KCNH5: variants seen among roughly 807,000 people sequenced by gnomAD.
KCNH5 encodes the protein voltage-gated delayed rectifier potassium channel KCNH5.
Under a neutral mutation model 96.1 loss-of-function variants are expected in KCNH5, and 46 were observed. That is an observed-to-expected ratio of 0.48 (90% CI 0.38 to 0.61). KCNH5 has a LOEUF of 0.61. Among genes scored for constraint, KCNH5 ranks in the 20% least tolerant of loss-of-function variants. KCNH5 has a pLI of 0.00. For synonymous variants in KCNH5, 439 were observed against 449.8 expected, an observed-to-expected ratio of 0.98 and a Z score of 0.30; for missense variants, 907 against 1,225.8, an observed-to-expected ratio of 0.74 and a Z score of 3.88.
chr14:62,884,946 A>G (rs1026475379), intron 7 of KCNH5, among the ~76,000 whole-genome samples: 9 of 152,222 alleles, frequency 5.9e-5, no homozygotes, highest in African/African-American at 2.2e-4. Flanking sequence ...AAAGCACATA[A>G]TCAATTTATG....
intron 9 of KCNH5, among the ~76,000 whole-genome samples, chr14:62,801,726 C>T (rs2139999363): frequency 6.6e-6 from 1 of 152,094 alleles, no homozygotes; most frequent in South Asian, 2.1e-4. Flanking sequence ...GAGGACAGAA[C>T]CAGCTTTATA....
intron 7 of KCNH5, among the ~76,000 whole-genome samples, chr14:62,898,630 A>C (rs1888863091): frequency 6.6e-6 from 1 of 152,180 alleles, no homozygotes; most frequent in South Asian, 2.1e-4. Flanking sequence ...AAAGAGTATA[A>C]GAACATTGGA....
chr14:62,725,316 G>A (rs192267947), intron 10 of KCNH5, among the ~76,000 whole-genome samples: 3 of 152,254 alleles, frequency 2.0e-5, no homozygotes, highest in African/African-American at 7.2e-5. Flanking sequence ...CTTATCTTTA[G>A]TTGTGTTACT....
rs61033705 is a variant in KCNH5, at chr14:62,910,941, A to ACACACACACACACAC, written c.1369+39191_1369+39192insGTGTGTGTGTGTGTG. 7.5e-4 allele frequency among the ~76,000 whole-genome samples: 106 copies of ACACACACACACACAC among 140,880 alleles called. 1 individual carries two copies. Among genetic ancestry groups the ACACACACACACACAC allele is most frequent in the African/African-American group, 2.6e-3 (98 of 37,722 alleles). The allele number at this position is 140,880 out of a possible 152,430, so 92.4% of individuals were successfully genotyped here. On this transcript the variant is annotated intron_variant, in intron 7 of 10. Transcript: ENST00000322893. ...CACACACACACACACACACACACACACCCCTCTGTTGTTCTGTCATCCTAT... is the reference window on the plus strand; with the variant it reads ...CACACACACACACACACACACACACACACACACACACACACCCCCTCTGTTGTTCTGTCATCCTAT...
In KCNH5 at chr14:62,700,316, A is replaced by G. The variant is rs1385666894; in HGVS notation, c.*7192T>C. The G allele has an allele frequency of 2.6e-5, 4 of 152,170 alleles. No homozygotes were observed. Among genetic ancestry groups the G allele is most frequent in the Non-Finnish European group, 5.9e-5 (4 of 68,026 alleles). The allele number at this position is 152,170 out of a possible 1,614,324, so 9.4% of individuals were successfully genotyped here. A position where few individuals can be genotyped will look rare whatever the true frequency, so the allele number is the denominator to read the frequency against. On this transcript the variant is annotated 3_prime_UTR_variant, in exon 11 of 11. Coordinates refer to ENST00000322893, the MANE Select transcript of KCNH5 (RefSeq NM_139318.5). The stretch of plus-strand genomic sequence containing the variant: ...TCTAAACTGGTTTCCACTTTTCATA[A>G]CAATCACTTAAGAAATCTGTTCCTA...
chr14:62,840,557 CTTTTTTT>C (rs1165731381), intron 8 of KCNH5, among the ~76,000 whole-genome samples: 9 of 108,736 alleles, frequency 8.3e-5, no homozygotes, highest in Non-Finnish European at 1.5e-4. Context: ...TTTCTTTTTT[CTTTTTTT>C]TCTTTTTTTT....
intron 9 of KCNH5, 53 bp from the exon 10 acceptor site, chr14:62,779,977 A>G: frequency 6.9e-7 from 1 of 1,443,888 alleles, no homozygotes; most frequent in South Asian, 1.3e-5. Context: ...TTCTTATTTA[A>G]TCACTCTTGT....
intron 7 of KCNH5, among the ~76,000 whole-genome samples, chr14:62,909,836 C>A (rs1332624781): frequency 1.3e-5 from 2 of 152,264 alleles, no homozygotes; most frequent in South Asian, 4.2e-4. Context: ...ACAAACCCCC[C>A]AAACACACTC....
intron 1 of KCNH5, among the ~76,000 whole-genome samples, chr14:63,030,888 T>C (rs979733862): frequency 3.3e-5 from 5 of 152,182 alleles, no homozygotes; most frequent in African/African-American, 1.2e-4. Context: ...CAGCCAAGTC[T>C]GGCACACTTT....
rs1595586933 is a variant in KCNH5 at position 62,707,325 on chromosome 14, A to G, written c.*183T>C. On this transcript the variant is annotated 3_prime_UTR_variant, in exon 11 of 11. Transcript: ENST00000322893. ...ACTGCATAATATACAAGCAATATCT[A>G]TGTTTTTAATCATCATCTTCTTTGG... 1 of 347,308 alleles carries G rather than the reference A, an allele frequency of 2.9e-6. No homozygotes were observed. The allele number at this position is 347,308 out of a possible 1,614,324, so 21.5% of individuals were successfully genotyped here.
In KCNH5 at chr14:62,950,479, G is replaced by A. The variant is rs1006397202; in HGVS notation, c.1023C>T (p.Tyr341=). The part of the protein sequence containing the change: ...LGRVARKLDH[Y]LEYGAAVLVL... ...CGAGGACTGCTGCTCCATATTCTAG[G>A]TAATGGTCCAGTTTCCTAGCCACAC... The change falls in exon 7 of 11, where the codon TAC becomes TAT. Residue 341 remains tyrosine (Y), a synonymous_variant. Transcript: ENST00000322893. 11 of 1,612,442 alleles carry A rather than the reference G, an allele frequency of 6.8e-6. No individual in the cohort carries two copies. Among genetic ancestry groups the A allele is most frequent in the Non-Finnish European group, 8.5e-6 (10 of 1,179,918 alleles).
At chr14:62,748,396 G>A (rs900757034) in intron 10 of KCNH5, among the ~76,000 whole-genome samples, 13 of 152,142 alleles carry the variant, frequency 8.5e-5, no homozygotes, top group South Asian at 4.1e-4. Flanking sequence ...CTCCCAAGTC[G>A]GGGTCTGTTT....
intron 2 of KCNH5, among the ~76,000 whole-genome samples, chr14:63,008,917 G>T (rs1481066036): frequency 2.6e-5 from 4 of 151,978 alleles, no homozygotes. Context: ...ATAGACAAGT[G>T]AAATTTTTAA....
intron 7 of KCNH5, among the ~76,000 whole-genome samples, chr14:62,886,008 T>C (rs775111115): frequency 1.9e-4 from 29 of 152,190 alleles, no homozygotes; most frequent in Non-Finnish European, 3.7e-4. Context: ...TAATTTCTGC[T>C]TTACATTCTG....
At chr14:62,930,211 T>C (rs1595688928) in intron 7 of KCNH5, among the ~76,000 whole-genome samples, 1 of 152,240 alleles carries the variant, frequency 6.6e-6, no homozygotes, top group Non-Finnish European at 1.5e-5. Flanking sequence ...ATCCCCAAAA[T>C]GCTCTCCACA....
chr14:62,993,981 T>TA (rs1333738875), intron 4 of KCNH5, among the ~76,000 whole-genome samples: 8 of 152,066 alleles, frequency 5.3e-5, no homozygotes, highest in Admixed American at 4.6e-4. Flanking sequence ...AGCTCCTTCT[T>TA]AATAAAATAT....
intron 10 of KCNH5, among the ~76,000 whole-genome samples, chr14:62,748,761 AT>A (rs1195160756): frequency 2.6e-5 from 4 of 152,298 alleles, no homozygotes; most frequent in Admixed American, 6.5e-5. Context: ...GACAAAAAAA[AT>A]CTTCCAATAT....
intron 6 of KCNH5, among the ~76,000 whole-genome samples, chr14:62,974,771 T>G (rs1241253686): frequency 2.0e-5 from 3 of 152,256 alleles, no homozygotes; most frequent in African/African-American, 7.2e-5. Context: ...AAGTTCTATT[T>G]TATTTTTATG....
intron 10 of KCNH5, among the ~76,000 whole-genome samples, chr14:62,777,867 G>T (rs1052263827): frequency 1.3e-5 from 2 of 151,856 alleles, no homozygotes; most frequent in African/African-American, 4.8e-5. Context: ...ATTTGTGTGT[G>T]TGTGTGTGTG....
Sources: gnomAD v4.1 joint callset for allele counts (sites outside exome capture counted in the v4.1 genomes callset) on GRCh38, gnomAD v4.1.1 for gene constraint, MANE v1.5 for transcripts, NCBI Gene and HGNC (gene_info 2026-07-23, HGNC 2026-07-21) for gene names.